The following HMCN1 variants were observed in gnomAD, a reference collection of about 807,000 sequenced individuals.
The protein encoded by HMCN1 is hemicentin 1, also known as hemicentin-1.
HMCN1 carries 321 observed loss-of-function variants against 625.9 expected under a neutral mutation model. The observed-to-expected ratio is 0.51, with a 90% CI of 0.47 to 0.56. HMCN1 has a LOEUF of 0.56. HMCN1 is among the 20% of genes least tolerant of loss of function. The pLI is 0.00. For synonymous variants in HMCN1, 2,425 were observed against 2,417.6 expected, an observed-to-expected ratio of 1.00 and a Z score of -0.09; for missense variants, 6,588 against 6,887.3, an observed-to-expected ratio of 0.96 and a Z score of 1.54.
intron 16 of HMCN1, among the ~76,000 whole-genome samples, chr1:185,979,068 CAGCTCTGTGGTG>C (rs1477590120): frequency 1.3e-5 from 2 of 152,158 alleles, no homozygotes; most frequent in Non-Finnish European, 2.9e-5. Flanking sequence ...CTTCAGTGTT[CAGCTCTGTGGTG>C]AGCTCTGTGG....
At chr1:185,933,348 A>G (rs1306200185) in intron 10 of HMCN1, among the ~76,000 whole-genome samples, 1 of 152,076 alleles carries the variant, frequency 6.6e-6, no homozygotes, top group African/African-American at 2.4e-5. Context: ...TGGTATGTAA[A>G]TGTGTACTAC....
chr1:186,043,483 A>G (rs1656346873), intron 40 of HMCN1, among the ~76,000 whole-genome samples: 1 of 152,064 alleles, frequency 6.6e-6, no homozygotes, highest in Admixed American at 6.6e-5. Context: ...ACTTGATTCA[A>G]CTCATTTAAT....
At chr1:186,082,993 G>T in intron 57 of HMCN1, 32 bp downstream of exon 57, 1 of 1,336,646 alleles carries the variant, frequency 7.5e-7, no homozygotes, top group Non-Finnish European at 1.1e-6. Flanking sequence ...CATCTGTTAG[G>T]GTATGCTTGG....
chr1:186,120,616 T>C, intron 80 of HMCN1, among the ~76,000 whole-genome samples: 1 of 152,242 alleles, frequency 6.6e-6, no homozygotes, highest in Non-Finnish European at 1.5e-5. Flanking sequence ...AATTTTTATA[T>C]CTTGCATGCA....
chr1:185,983,382 T>C (rs60600910), intron 18 of HMCN1, among the ~76,000 whole-genome samples: 4,692 of 152,000 alleles, frequency 0.031, 250 homozygotes, highest in African/African-American at 0.11. Flanking sequence ...GCCGAGATCG[T>C]GCCACTGCAC....
In HMCN1 at chr1:186,090,859, C is replaced by T. The variant is rs763200620; in HGVS notation, c.9829C>T (p.Leu3277Phe). 15 of 1,612,370 alleles carry T rather than the reference C, an allele frequency of 9.3e-6. No individual in the cohort carries two copies. The highest frequency in any genetic ancestry group is 1.3e-5 in the African/African-American group (1 of 74,816). ...VCNANGIPTP[L>F]IQWLKDGKPI... is the part of the protein sequence containing the mutation. ...CAATGCAAATGGCATTCCTACTCCA[C>T]TTATTCAATGGCTTAAAGATGGAAA... The change falls in exon 64 of 107, where the codon CTT becomes TTT. Residue 3277 changes from leucine (L) to phenylalanine (F), a missense_variant. Physicochemically the swap from Leu to Phe is conservative, Grantham distance 22. Transcript: ENST00000271588.
rs558323454 is a variant in HMCN1, at chr1:186,189,914, G to A, written c.*36G>A. ...AAAGCCTATTCCACATATTTAAACC[G>A]CATTAATCATGGCAATCAAGCCCCC... On this transcript the variant is annotated 3_prime_UTR_variant, in exon 107 of 107. Transcript: ENST00000271588. 42 of 1,608,598 alleles carry A rather than the reference G, an allele frequency of 2.6e-5. 1 individual carries two copies. The highest frequency in any genetic ancestry group is 3.8e-4 in the Middle Eastern group (2 of 5,218).
At chr1:185,886,941 A>G (rs907429816) in intron 4 of HMCN1, among the ~76,000 whole-genome samples, 5 of 152,088 alleles carry the variant, frequency 3.3e-5, no homozygotes, top group Non-Finnish European at 7.4e-5. Context: ...ATGTATCTCC[A>G]GGTATTTCCT....
At chr1:185,974,726 C>T (rs575223219) in intron 15 of HMCN1, among the ~76,000 whole-genome samples, 1 of 152,242 alleles carries the variant, frequency 6.6e-6, no homozygotes, top group African/African-American at 2.4e-5. Context: ...TTGATGCTGC[C>T]TTGGCTGCTT....
At position 186,090,754 on chromosome 1, in the gene HMCN1, A is replaced by G. The variant is rs1659795622; in HGVS notation, c.9728-4A>G. The G allele has an allele frequency of 2.6e-5, 42 of 1,611,982 alleles. No individual in the cohort carries two copies. Among genetic ancestry groups the G allele is most frequent in the Non-Finnish European group, 3.5e-5 (41 of 1,178,668 alleles). ...TAATGAAATTCCTAATTATTTCTCC[A>G]AAGTTCCTCCAAGTGTTGCTGGTGC... On this transcript the variant is annotated splice_region_variant and splice_polypyrimidine_tract_variant and intron_variant, in intron 63 of 106. Transcript: ENST00000271588.
At chr1:185,880,577 G>C (rs1457587823) in intron 4 of HMCN1, among the ~76,000 whole-genome samples, 1 of 152,138 alleles carries the variant, frequency 6.6e-6, no homozygotes, top group African/African-American at 2.4e-5. Flanking sequence ...ATATCATCAT[G>C]TTGTATAATA....
Position 185,995,767 on chromosome 1 carries a change from G to A in HMCN1, c.3778+680G>A, listed in dbSNP as rs1051588784. Among the ~76,000 whole-genome samples, 3 of 152,132 alleles carry A rather than the reference G, an allele frequency of 2.0e-5. No homozygotes were observed. In the East Asian group the frequency reaches 5.8e-4, roughly 29 times the overall value. On this transcript the variant is annotated intron_variant, in intron 24 of 106. Coordinates refer to ENST00000271588, the MANE Select transcript of HMCN1 (RefSeq NM_031935.3). ...CTATCAAGCAGGACTTCTCTGAGAA[G>A]GTGATCTTTAGAGTGAGATCCTCTG...
chr1:185,839,210 T>A (rs1661341692), intron 1 of HMCN1, among the ~76,000 whole-genome samples: 1 of 152,210 alleles, frequency 6.6e-6, no homozygotes, highest in Admixed American at 6.5e-5. Context: ...TCTTTATCCC[T>A]AACTAATGAC....
At chr1:185,880,947 T>C (rs1022346171) in intron 4 of HMCN1, among the ~76,000 whole-genome samples, 2 of 152,198 alleles carry the variant, frequency 1.3e-5, no homozygotes, top group Non-Finnish European at 2.9e-5. Flanking sequence ...CAGGTGAGCA[T>C]GTGCAGGAGC....
chr1:185,743,178 A>T (rs1256598473), intron 1 of HMCN1, among the ~76,000 whole-genome samples: 1 of 152,226 alleles, frequency 6.6e-6, no homozygotes, highest in Non-Finnish European at 1.5e-5. Context: ...ACAGCCACAC[A>T]ATAGACACTC....
intron 97 of HMCN1, among the ~76,000 whole-genome samples, chr1:186,158,233 T>A (rs1372597864): frequency 6.6e-6 from 1 of 151,048 alleles, no homozygotes; most frequent in African/African-American, 2.5e-5. Context: ...GCTGCATAAA[T>A]GTCTTCTTTT....
rs147006036 is a variant in HMCN1 at position 186,091,636 on chromosome 1, T to C, written c.9887+719T>C. On this transcript the variant is annotated intron_variant, in intron 64 of 106. Coordinates refer to ENST00000271588, the MANE Select transcript of HMCN1 (RefSeq NM_031935.3). ...ATGTGGTAAAGACCTTGTACTACTT[T>C]CAACAACAAATTCCTTTGGAAGGAC... 3.7e-3 allele frequency among the ~76,000 whole-genome samples: 566 copies of C among 152,156 alleles called. 4 individuals are homozygous for C. Among genetic ancestry groups the C allele is most frequent in the African/African-American group, 0.013 (539 of 41,552 alleles).
intron 1 of HMCN1, among the ~76,000 whole-genome samples, chr1:185,754,106 G>C (rs562509063): frequency 4.1e-4 from 63 of 152,296 alleles, no homozygotes; most frequent in African/African-American, 1.4e-3. Context: ...AGGAAATTTT[G>C]ACATTCATGA....
intron 104 of HMCN1, among the ~76,000 whole-genome samples, chr1:186,181,233 C>A (rs770144357): frequency 4.8e-4 from 73 of 152,116 alleles, no homozygotes; most frequent in South Asian, 4.1e-4. Context: ...ACTAGTCTTC[C>A]ACTGGTTGGT....
Sources: allele counts gnomAD v4.1 joint callset (sites outside exome capture counted in the v4.1 genomes callset), GRCh38; gene constraint gnomAD v4.1.1; transcripts MANE v1.5; gene names NCBI Gene and HGNC (gene_info 2026-07-23, HGNC 2026-07-21).